CAD: variants seen among roughly 807,000 people sequenced by gnomAD.
CAD encodes multifunctional protein CAD.
Under a neutral mutation model 237.2 loss-of-function variants are expected in CAD, and 81 were observed. That is an observed-to-expected ratio of 0.34 (90% CI 0.29 to 0.41). The LOEUF (loss-of-function observed/expected upper bound fraction) is 0.41. Ranked by LOEUF, CAD falls within the 10% of genes least tolerant of loss-of-function variation. CAD has a pLI of 1.00. For synonymous variants in CAD, 1,196 were observed against 1,162.8 expected, an observed-to-expected ratio of 1.03 and a Z score of -0.58; for missense variants, 2,181 against 2,951.7, an observed-to-expected ratio of 0.74 and a Z score of 6.05.
At position 27,226,298 on chromosome 2, in the gene CAD, C is replaced by G. The variant is rs775896284; in HGVS notation, c.2010C>G (p.Ala670=). 1 of 1,614,134 alleles carries G rather than the reference C, an allele frequency of 6.2e-7. No individual in the cohort carries two copies. The highest frequency in any genetic ancestry group is 1.7e-5 in the Admixed American group (1 of 60,026). The change falls in exon 13 of 44, where the codon GCC becomes GCG. Residue 670 remains alanine, a synonymous_variant. Coordinates refer to ENST00000264705, the MANE Select transcript of CAD (RefSeq NM_004341.5). ...TTGGGGAGTGCAATGTGCAGTATGCCTTGAACCCTGAGTCTGAGCAGGTAA... is the reference window on the plus strand; with the variant it reads ...TTGGGGAGTGCAATGTGCAGTATGCGTTGAACCCTGAGTCTGAGCAGGTAA... ...GIVGECNVQY[A]LNPESEQYYI...
rs769130989 is a variant in CAD, at chr2:27,223,300, G to A, written c.809+263G>A. 3.3e-4 allele frequency among the ~76,000 whole-genome samples: 50 copies of A among 152,100 alleles called. 1 individual carries two copies. Among genetic ancestry groups the A allele is most frequent in the African/African-American group, 8.0e-4 (33 of 41,416 alleles). ...ACAAAAGTTGGCCAGCCATGGTGGC[G>A]TGCGCCTGTAATCCCAGCTACTCCA... On this transcript the variant is annotated intron_variant, in intron 6 of 43. Coordinates refer to ENST00000264705, the MANE Select transcript of CAD (RefSeq NM_004341.5).
chr2:27,240,439 C>A lies in CAD; in HGVS notation c.5593+78C>A. On this transcript the variant is annotated intron_variant, in intron 35 of 43. Transcript: ENST00000264705. This position sits in a 1 kb window ranked among gnomAD's most constrained non-coding sequence, Gnocchi z 4.6. ...CTTCCCAGTGCCTCGCCTTTCTCTACTTACATGTCCTCCTCTCCATCCCTT... is the reference window on the plus strand; with the variant it reads ...CTTCCCAGTGCCTCGCCTTTCTCTAATTACATGTCCTCCTCTCCATCCCTT... 6.7e-7 allele frequency: 1 copy of A among 1,489,814 alleles called. No individual in the cohort carries two copies. The highest frequency in any genetic ancestry group is 9.4e-7 in the Non-Finnish European group (1 of 1,067,194). 92.3% of individuals were successfully genotyped at this position (1,489,814 alleles called of 1,614,324 possible).
chr2:27,242,268 G>A lies in CAD; in HGVS notation c.6097-34G>A, dbSNP rs760064224. The A allele has an allele frequency of 2.6e-5, 41 of 1,594,162 alleles. No homozygotes were observed. Among genetic ancestry groups the A allele is most frequent in the Non-Finnish European group, 3.4e-5 (40 of 1,166,896 alleles). ...GGACTGGCAGTTGGGGGGCCTCTGA[G>A]CTGCAAAAGACAGGATTTTCCCCTT... On this transcript the variant is annotated intron_variant, in intron 39 of 43. Coordinates refer to ENST00000264705, the MANE Select transcript of CAD (RefSeq NM_004341.5). This position sits in a 1 kb window ranked among gnomAD's most constrained non-coding sequence, Gnocchi z 6.4.
At position 27,233,071 on chromosome 2, in the gene CAD, T is replaced by TA; in HGVS notation, c.2924dup (p.Asn975LysfsTer10). On this transcript the variant is annotated frameshift_variant, in exon 19 of 44. Transcript: ENST00000264705. LOFTEE classifies it high-confidence loss of function. The surrounding 1 kb of genome is among the most constrained non-coding windows in gnomAD (Gnocchi z 6.3). ...GATATAAGACCATCATGGTGAACTA[T>TA]AACCCAGAGACAGTCAGCACCGACT... The TA allele has an allele frequency of 6.2e-7, 1 of 1,613,360 alleles. No individual in the cohort carries two copies. Among genetic ancestry groups the TA allele is most frequent in the Non-Finnish European group, 8.5e-7 (1 of 1,179,256 alleles).
Position 27,242,313 on chromosome 2 carries a change from G to A in CAD, c.6108G>A (p.Lys2036=), listed in dbSNP as rs750417178. ...PQPGAVELAA[K]HCRRPVINAG... is the part of the protein sequence containing the mutation. ...CCCCTTTTTTCCAGCTGGCCGCCAA[G>A]CACTGCCGGAGGCCAGTGATCAATG... is the stretch of plus-strand genomic sequence containing the variant. The change falls in exon 40 of 44, where the codon AAG becomes AAA. Residue 2036 remains lysine, a synonymous_variant. Transcript: ENST00000264705. The surrounding 1 kb of genome is among the most constrained non-coding windows in gnomAD (Gnocchi z 6.4). The A allele has an allele frequency of 6.2e-7, 1 of 1,609,686 alleles. No individual in the cohort carries two copies. Among genetic ancestry groups the A allele is most frequent in the Non-Finnish European group, 8.5e-7 (1 of 1,176,798 alleles).
In CAD at chr2:27,237,668, C is replaced by CTG; in HGVS notation, c.4564-45_4564-44dup. Reference sequence around the variant, plus strand: ...CCCAGGCCACTGGTGCCAGGCTAGCCTGTGTGGGCATGGGTGCCAGTGAGC... The same window carrying CTG: ...CCCAGGCCACTGGTGCCAGGCTAGCCTGTGTGTGGGCATGGGTGCCAGTGAGC... On this transcript the variant is annotated intron_variant, in intron 28 of 43. Transcript: ENST00000264705. The surrounding 1 kb of genome is among the most constrained non-coding windows in gnomAD (Gnocchi z 4.0). 6.3e-7 allele frequency: 1 copy of CTG among 1,587,150 alleles called. No homozygotes were observed. Among genetic ancestry groups the CTG allele is most frequent in the Middle Eastern group, 1.7e-4 (1 of 5,752 alleles).
intron 3 of CAD, 35 bp from the exon 4 acceptor site, chr2:27,222,159 G>A: frequency 6.3e-7 from 1 of 1,592,610 alleles, no homozygotes; most frequent in African/African-American, 1.3e-5. Context: ...CTGAGTTGTA[G>A]GAATGTGATC....
At position 27,224,827 on chromosome 2, in the gene CAD, T is replaced by A; in HGVS notation, c.1337T>A (p.Leu446Gln). The change falls in exon 10 of 44, where the codon CTG becomes CAG. Residue 446 changes from leucine (L) to glutamine (Q), a missense_variant. Coordinates refer to ENST00000264705, the MANE Select transcript of CAD (RefSeq NM_004341.5). ...GCCACAGTGCAGACCTCCCAGGGGCTGGCCGACAAGGTCTATTTTCTTCCC... is the reference window on the plus strand; with the variant it reads ...GCCACAGTGCAGACCTCCCAGGGGCAGGCCGACAAGGTCTATTTTCTTCCC... ...NIATVQTSQG[L>Q]ADKVYFLPIT... The A allele has an allele frequency of 6.2e-7, 1 of 1,614,204 alleles. No individual in the cohort carries two copies. Among genetic ancestry groups the A allele is most frequent in the Non-Finnish European group, 8.5e-7 (1 of 1,180,006 alleles).
rs1025422985 is a variant in CAD at position 27,237,635 on chromosome 2, C to T, written c.4564-83C>T. On this transcript the variant is annotated intron_variant, in intron 28 of 43. Coordinates refer to ENST00000264705, the MANE Select transcript of CAD (RefSeq NM_004341.5). The surrounding 1 kb of genome is among the most constrained non-coding windows in gnomAD (Gnocchi z 4.0). ...CTGAGCCCTTTTCCTTCTGCCCCGC[C>T]CTATGGGCCCAGGCCACTGGTGCCA... 27 of 1,573,514 alleles carry T rather than the reference C, an allele frequency of 1.7e-5. No homozygotes were observed. In the African/African-American group the frequency reaches 3.0e-4, roughly 17 times the overall value.
intron 42 of CAD, 89 bp downstream of exon 42, chr2:27,243,062 G>C: frequency 7.3e-7 from 1 of 1,362,924 alleles, no homozygotes. Flanking sequence ...GGCTGGGTCA[G>C]AGCTGTTAAA....
rs771956523 is a variant in CAD at position 27,236,733 on chromosome 2, T to C, written c.4315-16T>C. The stretch of plus-strand genomic sequence containing the variant: ...GGATCACCCTTCCCTTAAAGCTGAC[T>C]GCTTTCCACTTGCAGGCCCTAGGCC... On this transcript the variant is annotated splice_polypyrimidine_tract_variant and intron_variant, in intron 26 of 43. Transcript: ENST00000264705. The surrounding 1 kb of genome is among the most constrained non-coding windows in gnomAD (Gnocchi z 4.1). The C allele has an allele frequency of 6.2e-7, 1 of 1,612,940 alleles. No individual in the cohort carries two copies. Among genetic ancestry groups the C allele is most frequent in the Non-Finnish European group, 8.5e-7 (1 of 1,178,896 alleles).
At chr2:27,223,530 A>G (rs920328473) in intron 6 of CAD, 33 bp from the exon 7 acceptor site, 8 of 1,603,884 alleles carry the variant, frequency 5.0e-6, no homozygotes, top group South Asian at 1.1e-5. Flanking sequence ...GAGGGTGAGC[A>G]GGGCCTGTGA....
intron 31 of CAD, 151 bp downstream of exon 31, chr2:27,238,783 A>G: frequency 2.7e-6 from 2 of 733,346 alleles, no homozygotes; most frequent in Non-Finnish European, 4.4e-6. Context: ...CTGGTCTGTG[A>G]TAGGTGCCTG....
At chr2:27,229,780 G>A (rs1314110903) in intron 15 of CAD, among the ~76,000 whole-genome samples, 1 of 151,456 alleles carries the variant, frequency 6.6e-6, no homozygotes, top group African/African-American at 2.4e-5. Context: ...GGAGGCTGAG[G>A]CAGGAGAATC....
At chr2:27,222,039 G>A (rs892975291) in intron 3 of CAD, among the ~76,000 whole-genome samples, 155 bp from the exon 4 acceptor site, 6 of 151,368 alleles carry the variant, frequency 4.0e-5, no homozygotes, top group Non-Finnish European at 7.4e-5. Flanking sequence ...AATACTTCAT[G>A]GTAGTATACT....
chr2:27,229,463 G>A (rs1427040474), intron 15 of CAD, among the ~76,000 whole-genome samples: 2 of 151,802 alleles, frequency 1.3e-5, no homozygotes, highest in African/African-American at 4.8e-5. Flanking sequence ...TTGTAGAGAG[G>A]GAGGTCTCAC....
At chr2:27,223,063 G>T (rs914122027) in intron 6 of CAD, 26 bp downstream of exon 6, 2 of 1,612,152 alleles carry the variant, frequency 1.2e-6, no homozygotes, top group Admixed American at 1.7e-5. Flanking sequence ...AGCAGAAGGG[G>T]CCCATACTTG....
Position 27,223,712 on chromosome 2 carries a change from A to T in CAD, c.959A>T (p.Asn320Ile). Reference protein sequence around the residue: ...PLFTNANDGSNEGIVHNSLPF... With the variant: ...PLFTNANDGSIEGIVHNSLPF... Reference sequence around the variant, plus strand: ...TTCACCAACGCCAATGATGGTTCCAATGAAGGCATTGTGCACAACAGCTTG... The same window carrying T: ...TTCACCAACGCCAATGATGGTTCCATTGAAGGCATTGTGCACAACAGCTTG... The change falls in exon 7 of 44, where the codon AAT (asparagine) becomes ATT (isoleucine). Residue 320 changes from asparagine (N) to isoleucine (I), a missense_variant. Around this residue, in one of 12 missense-constraint regions of CAD, gnomAD observed 129 missense variants for 143.3 expected, o/e 0.90. Coordinates refer to ENST00000264705, the MANE Select transcript of CAD (RefSeq NM_004341.5). 2 of 1,614,226 alleles carry T rather than the reference A, an allele frequency of 1.2e-6. No individual in the cohort carries two copies. Among genetic ancestry groups the T allele is most frequent in the Non-Finnish European group, 1.7e-6 (2 of 1,180,040 alleles).
chr2:27,222,406 G>T, intron 4 of CAD, 70 bp downstream of exon 4: 11 of 1,583,002 alleles, frequency 6.9e-6, no homozygotes, highest in Non-Finnish European at 9.5e-6. Flanking sequence ...CAATTGGGGG[G>T]TGAACACAGG....
Sources: allele counts gnomAD v4.1 joint callset (sites outside exome capture counted in the v4.1 genomes callset), GRCh38; gene constraint gnomAD v4.1.1; regional missense constraint gnomAD v4.1.1; non-coding constraint Gnocchi (gnomAD v3.1); transcripts MANE v1.5; gene names NCBI Gene and HGNC (gene_info 2026-07-23, HGNC 2026-07-21).